The following FAM193A variants were observed in gnomAD, a reference collection of about 807,000 sequenced individuals.
The protein encoded by FAM193A is protein FAM193A.
A neutral mutation model predicts 126.5 loss-of-function variants in FAM193A; 22 were observed. The ratio of observed to expected loss-of-function variants is 0.17; its 90% CI spans 0.12 to 0.25. The LOEUF (loss-of-function observed/expected upper bound fraction) is 0.25. Ranked by LOEUF, FAM193A falls within the 10% of genes least tolerant of loss-of-function variation. The probability of loss-of-function intolerance (pLI) is 1.00; values close to 1 mark genes in which losing one functional copy is unlikely to be tolerated. For synonymous variants in FAM193A, 761 were observed against 646.8 expected (o/e 1.18, Z -2.68); for missense variants, 1,675 against 1,672.8 (o/e 1.00, Z -0.02).
Position 2,693,735 on chromosome 4 carries a change from C to G in FAM193A, c.2953C>G (p.Leu985Val). The G allele has an allele frequency of 6.2e-7, 1 of 1,614,174 alleles. No individual in the cohort carries two copies. The highest frequency in any genetic ancestry group is 8.5e-7 in the Non-Finnish European group (1 of 1,179,986). ...AALSPASTPH[L>V]ANLAAPSFPK... is the part of the protein sequence containing the mutation. ...GCTCTCACCTGCCTCCACACCTCAC[C>G]TTGCAAATCTTGCAGCCCCATCATT... is the stretch of plus-strand genomic sequence containing the variant. The change falls in exon 16 of 21, where the codon CTT becomes GTT. Residue 985 changes from leucine (L) to valine (V), a missense_variant. Around this residue, in one of 4 missense-constraint regions of FAM193A, gnomAD observed 1,186 missense variants for 1,109.2 expected, o/e 1.07. Coordinates refer to ENST00000637812, the MANE Select transcript of FAM193A (RefSeq NM_001366318.2).
chr4:2,653,624 A>G (rs906722590), intron 7 of FAM193A, among the ~76,000 whole-genome samples: 16 of 152,106 alleles, frequency 1.1e-4, no homozygotes, highest in African/African-American at 2.7e-4. Context: ...TTGTATTTGT[A>G]GTAGAGACAA....
intron 1 of FAM193A, among the ~76,000 whole-genome samples, chr4:2,541,289 G>C (rs1226708707): frequency 1.3e-5 from 2 of 151,428 alleles, no homozygotes; most frequent in Non-Finnish European, 2.9e-5. Flanking sequence ...CTGAGATTGT[G>C]CCATTGCACT....
chr4:2,709,016 T>A (rs1377511407), intron 19 of FAM193A, among the ~76,000 whole-genome samples: 2 of 152,100 alleles, frequency 1.3e-5, no homozygotes, highest in African/African-American at 2.4e-5. Flanking sequence ...TTATATATTA[T>A]AAGATAATTA....
chr4:2,721,863 T>C (rs1720199447), intron 20 of FAM193A, among the ~76,000 whole-genome samples: 1 of 152,202 alleles, frequency 6.6e-6, no homozygotes, highest in African/African-American at 2.4e-5. Flanking sequence ...GCAGCATCTG[T>C]CTGTTCACTG....
chr4:2,588,174 C>T (rs889883381), intron 1 of FAM193A, among the ~76,000 whole-genome samples: 3 of 152,038 alleles, frequency 2.0e-5, no homozygotes, highest in Non-Finnish European at 2.9e-5. Context: ...CCCTGCTCCG[C>T]ATTGACGGAG....
chr4:2,549,402 T>TG (rs988581974), intron 1 of FAM193A, among the ~76,000 whole-genome samples: 2 of 138,734 alleles, frequency 1.4e-5, no homozygotes, highest in African/African-American at 5.3e-5. Flanking sequence ...TTTCTTTTTT[T>TG]TTTTTTTTTT....
At chr4:2,638,727 AATCATTAT>A (rs1472285742) in intron 5 of FAM193A, among the ~76,000 whole-genome samples, 4,355 of 152,250 alleles carry the variant, frequency 0.029, 218 homozygotes, top group African/African-American at 0.099. Context: ...CAATCATTAT[AATCATTAT>A]AATTTGTTCT....
intron 1 of FAM193A, among the ~76,000 whole-genome samples, chr4:2,585,406 T>C (rs769099923): frequency 1.1e-4 from 17 of 152,220 alleles, no homozygotes; most frequent in Non-Finnish European, 1.6e-4. Context: ...TAATTTTTTG[T>C]TTCAGCCTCT....
At chr4:2,730,358 A>G (rs1280183022) in intron 20 of FAM193A, among the ~76,000 whole-genome samples, 1 of 152,196 alleles carries the variant, frequency 6.6e-6, no homozygotes, top group East Asian at 1.9e-4. Context: ...TTTAGGATAT[A>G]TGTGTATACA....
chr4:2,577,411 G>GTTTTTTTTTTTTTTTTTTTTTTTTTTTTT (rs67407606), intron 1 of FAM193A, among the ~76,000 whole-genome samples: 1 of 101,860 alleles, frequency 9.8e-6, no homozygotes, highest in Admixed American at 9.2e-5. Context: ...AATTAAAGTG[G>GTTTTTTTTTTTTTTTTTTTTTTTTTTTTT]TTTTTTTTTT....
At chr4:2,718,166 A>G (rs1391648485) in intron 20 of FAM193A, among the ~76,000 whole-genome samples, 13 of 152,140 alleles carry the variant, frequency 8.5e-5, no homozygotes, top group Non-Finnish European at 1.6e-4. Flanking sequence ...AAGAATATAT[A>G]AAGAAGGAGA....
chr4:2,584,330 G>T (rs910977689), intron 1 of FAM193A, among the ~76,000 whole-genome samples: 2 of 151,590 alleles, frequency 1.3e-5, no homozygotes, highest in African/African-American at 4.9e-5. Flanking sequence ...AGGAGGCTAA[G>T]CAGGAGAATC....
At chr4:2,698,631 T>C (rs2109302978) in intron 18 of FAM193A, among the ~76,000 whole-genome samples, 1 of 152,380 alleles carries the variant, frequency 6.6e-6, no homozygotes, top group South Asian at 2.1e-4. Flanking sequence ...TCTATTTCTC[T>C]AGGAGAAATG....
upstream of FAM193A, among the ~76,000 whole-genome samples, chr4:2,535,906 T>C (rs1736847983): frequency 6.6e-6 from 1 of 152,024 alleles, no homozygotes; most frequent in African/African-American, 2.4e-5. Flanking sequence ...CGGTCCAAGA[T>C]TCGCCGGCTC....
At chr4:2,606,786 C>T (rs1289300854) in intron 2 of FAM193A, among the ~76,000 whole-genome samples, 4 of 152,214 alleles carry the variant, frequency 2.6e-5, no homozygotes, top group Admixed American at 2.6e-4. Context: ...AATACCACCA[C>T]TGATCTCATC....
At position 2,699,720 on chromosome 4, in the gene FAM193A, G is replaced by A. The variant is rs1424437608; in HGVS notation, c.3548G>A (p.Arg1183Gln). ...KARLEAEARAREHLHLQEEQR... is the reference protein window; with the variant it reads ...KARLEAEARAQEHLHLQEEQR... Reference sequence around the variant, plus strand: ...CGCCTAGAAGCAGAGGCCAGGGCCCGGGAGCACCTGCACCTCCAGGAGGAG... The same window carrying A: ...CGCCTAGAAGCAGAGGCCAGGGCCCAGGAGCACCTGCACCTCCAGGAGGAG... The change falls in exon 19 of 21, where the codon CGG becomes CAG. Residue 1183 changes from arginine (R) to glutamine (Q), a missense_variant. By Grantham distance (43) the Arg-to-Gln change is conservative (BLOSUM62 1). Around this residue, in one of 4 missense-constraint regions of FAM193A, gnomAD observed 415 missense variants for 396.7 expected, o/e 1.05. Coordinates refer to ENST00000637812, the MANE Select transcript of FAM193A (RefSeq NM_001366318.2). 5 of 1,613,530 alleles carry A rather than the reference G, an allele frequency of 3.1e-6. No individual in the cohort carries two copies. Among genetic ancestry groups the A allele is most frequent in the Admixed American group, 1.7e-5 (1 of 59,918 alleles).
chr4:2,586,478 A>G (rs1740245851), intron 1 of FAM193A, among the ~76,000 whole-genome samples: 2 of 152,008 alleles, frequency 1.3e-5, no homozygotes, highest in African/African-American at 4.8e-5. Flanking sequence ...ATTAACTTCA[A>G]TTTAAAAGGC....
chr4:2,579,976 T>C (rs960636837), intron 1 of FAM193A, among the ~76,000 whole-genome samples: 3 of 152,148 alleles, frequency 2.0e-5, no homozygotes, highest in Admixed American at 2.0e-4. Flanking sequence ...GACACATGCA[T>C]GCGTGTGTTC....
At chr4:2,562,406 C>T (rs1738671771) in intron 1 of FAM193A, among the ~76,000 whole-genome samples, 1 of 152,106 alleles carries the variant, frequency 6.6e-6, no homozygotes, top group South Asian at 2.1e-4. Flanking sequence ...GAGCTGATGG[C>T]ACCACTGCAC....
Sources: allele counts gnomAD v4.1 joint callset (sites outside exome capture counted in the v4.1 genomes callset), GRCh38; gene constraint gnomAD v4.1.1; regional missense constraint gnomAD v4.1.1; transcripts MANE v1.5; gene names NCBI Gene and HGNC (gene_info 2026-07-23, HGNC 2026-07-21).